CPLANE1: variants seen among roughly 807,000 people sequenced by gnomAD.
The protein encoded by CPLANE1 is ciliogenesis and planar polarity effector 1.
CPLANE1 carries 263 observed loss-of-function variants against 362.5 expected under a neutral mutation model. The ratio of observed to expected loss-of-function variants is 0.73; its 90% CI spans 0.66 to 0.80. The LOEUF (loss-of-function observed/expected upper bound fraction) is 0.80. Among genes scored for constraint, CPLANE1 ranks in the 30% least tolerant of loss-of-function variants. The pLI, the probability that CPLANE1 is intolerant of heterozygous loss-of-function variation, is 0.00. For synonymous variants in CPLANE1, 1,212 were observed against 1,302.6 expected, an observed-to-expected ratio of 0.93 and a Z score of 1.50; for missense variants, 3,461 against 3,793.4, an observed-to-expected ratio of 0.91 and a Z score of 2.30.
In CPLANE1 at chr5:37,151,734, G is replaced by T. The variant is rs116725142; in HGVS notation, c.8373+2006C>A. 2.1e-3 allele frequency among the ~76,000 whole-genome samples: 321 copies of T among 152,264 alleles called. 2 individuals are homozygous for T. Among genetic ancestry groups the T allele is most frequent in the African/African-American group, 7.6e-3 (315 of 41,554 alleles). On this transcript the variant is annotated intron_variant, in intron 42 of 52. Transcript: ENST00000651892. Reference sequence around the variant, plus strand: ...GCTGTACATTTATTTGGATGTGACAGATCTAAATCTGGGTTTAAAAAAACA... The same window carrying T: ...GCTGTACATTTATTTGGATGTGACATATCTAAATCTGGGTTTAAAAAAACA...
intron 51 of CPLANE1, among the ~76,000 whole-genome samples, chr5:37,110,621 G>C (rs13358096): frequency 0.016 from 2,470 of 152,082 alleles, 71 homozygotes; most frequent in African/African-American, 0.056. Context: ...ATGAGTAACA[G>C]TGCCTGGTAT....
rs771898985 is a variant in CPLANE1 at position 37,183,340 on chromosome 5, C to G, written c.4841G>C (p.Arg1614Thr). 6.2e-7 allele frequency: 1 copy of G among 1,612,692 alleles called. No individual in the cohort carries two copies. Among genetic ancestry groups the G allele is most frequent in the Non-Finnish European group, 8.5e-7 (1 of 1,179,690 alleles). Residue 1614 changes from arginine to threonine, a missense_variant, in exon 26 of 53, where the codon AGA becomes ACA. Transcript: ENST00000651892. ...AGCAACAACAAAGCAAGAACCAGCT[C>G]TAAACACATTCTGGCTTTTAGTTTT... Reference protein sequence around the residue: ...QSKTKSQNVFRAGSCFVVAPE... With the variant: ...QSKTKSQNVFTAGSCFVVAPE...
chr5:37,210,338 T>C, intron 16 of CPLANE1: 1 of 1,298,886 alleles, frequency 7.7e-7, no homozygotes, highest in Non-Finnish European at 1.1e-6. Flanking sequence ...AAAGTATGAC[T>C]GAGGCACTTA....
At chr5:37,187,309 G>A in intron 23 of CPLANE1, 105 bp downstream of exon 23, 3 of 938,310 alleles carry the variant, frequency 3.2e-6, no homozygotes, top group Non-Finnish European at 4.7e-6. Flanking sequence ...TATGCTAAGT[G>A]AAATAATCCA....
the CPLANE1 span, among the ~76,000 whole-genome samples, chr5:37,094,252 C>T: frequency 6.6e-6 from 1 of 152,168 alleles, no homozygotes; most frequent in Non-Finnish European, 1.5e-5. Context: ...TCAGGGTCTG[C>T]AAGACAGGCC....
intron 20 of CPLANE1, among the ~76,000 whole-genome samples, chr5:37,197,634 T>C (rs1787913424): frequency 6.6e-6 from 1 of 152,192 alleles, no homozygotes; most frequent in Non-Finnish European, 1.5e-5. Flanking sequence ...ATGGCTGCTA[T>C]TTTAAGCTGC....
the CPLANE1 span, among the ~76,000 whole-genome samples, chr5:37,076,314 A>ACTT: frequency 6.6e-6 from 1 of 151,738 alleles, no homozygotes; most frequent in East Asian, 1.9e-4. Context: ...CTGATGTCAA[A>ACTT]CTTTTTTTTT....
intron 48 of CPLANE1, 84 bp from the exon 49 acceptor site, chr5:37,121,868 C>T: frequency 8.8e-7 from 1 of 1,135,232 alleles, no homozygotes; most frequent in Non-Finnish European, 1.2e-6. Flanking sequence ...TGAAGATCAC[C>T]TAGCATGTTC....
Position 37,122,494 on chromosome 5 carries a change from TAAAA to T in CPLANE1, c.8959-10_8959-7del, listed in dbSNP as rs1762939420. The T allele has an allele frequency of 6.2e-7, 1 of 1,605,834 alleles. No homozygotes were observed. The highest frequency in any genetic ancestry group is 1.7e-5 in the Admixed American group (1 of 58,204). On this transcript the variant is annotated splice_region_variant and splice_polypyrimidine_tract_variant and intron_variant, in intron 47 of 52. Transcript: ENST00000651892. Reference sequence around the variant, plus strand: ...TCCCTTGAAGTCATGTAAAGCTGCATAAAAAATACCCAGTTGGTTCATTATTGTT... The same window carrying T: ...TCCCTTGAAGTCATGTAAAGCTGCATAATACCCAGTTGGTTCATTATTGTT...
chr5:37,107,538 A>C lies in CPLANE1; in HGVS notation c.*64T>G, dbSNP rs1157705543. On this transcript the variant is annotated 3_prime_UTR_variant, in exon 53 of 53. Transcript: ENST00000651892. ...ATTGCTTCTGTCCCTTAAACCTGTTAATCTTTCAGAACCACATTACTGAGG... is the reference window on the plus strand; with the variant it reads ...ATTGCTTCTGTCCCTTAAACCTGTTCATCTTTCAGAACCACATTACTGAGG... 7.0e-7 allele frequency: 1 copy of C among 1,428,464 alleles called. No homozygotes were observed. Among genetic ancestry groups the C allele is most frequent in the Admixed American group, 2.4e-5 (1 of 40,918 alleles). The allele number at this position is 1,428,464 out of a possible 1,614,324, so 88.5% of individuals were successfully genotyped here. A position where few individuals can be genotyped will look rare whatever the true frequency, so the allele number is the denominator to read the frequency against.
chr5:37,183,048 G>A lies in CPLANE1; in HGVS notation c.5133C>T (p.Ser1711=), dbSNP rs2151148741. 3 of 1,613,320 alleles carry A rather than the reference G, an allele frequency of 1.9e-6. No individual in the cohort carries two copies. Among genetic ancestry groups the A allele is most frequent in the Non-Finnish European group, 8.5e-7 (1 of 1,179,882 alleles). Residue 1711 remains serine (S), a synonymous_variant, in exon 26 of 53, where the codon TCC becomes TCT. Transcript: ENST00000651892. ...SSNHIFWTPK[S]IKTRRCIFKA... ...TGAAAATACATCTTCTAGTTTTAAT[G>A]GACTTGGGAGTCCAAAAAATGTGGT...
At chr5:37,192,864 A>C (rs867592079) in intron 21 of CPLANE1, among the ~76,000 whole-genome samples, 2 of 143,546 alleles carry the variant, frequency 1.4e-5, no homozygotes, top group Non-Finnish European at 3.0e-5. Flanking sequence ...AAAAAAAAAA[A>C]AAAAAAACAA....
At chr5:37,212,898 G>GC (rs2150235945) in intron 16 of CPLANE1, among the ~76,000 whole-genome samples, 1 of 152,338 alleles carries the variant, frequency 6.6e-6, no homozygotes, top group South Asian at 2.1e-4. Flanking sequence ...TATAGTCCCT[G>GC]CTACTTGGGA....
chr5:37,236,800 A>G (rs533381231), intron 8 of CPLANE1, among the ~76,000 whole-genome samples: 2 of 152,186 alleles, frequency 1.3e-5, no homozygotes, highest in African/African-American at 2.4e-5. Flanking sequence ...CAATCAGCCA[A>G]TAAACATATG....
rs990842373 is a variant in CPLANE1, at chr5:37,243,121, T to C, written c.571-2A>G. On this transcript the variant is annotated splice_acceptor_variant, in intron 5 of 52. Coordinates refer to ENST00000651892, the MANE Select transcript of CPLANE1 (RefSeq NM_001384732.1). LOFTEE classifies it high-confidence loss of function. ...ACACAGGCAGCAGTCTCCAAATAAC[T>C]GTAGATAAATTTAATATACTTTAGT... 3 of 1,490,784 alleles carry C rather than the reference T, an allele frequency of 2.0e-6. No individual in the cohort carries two copies. In the African/African-American group the frequency reaches 4.3e-5, roughly 21 times the overall value. The allele number at this position is 1,490,784 out of a possible 1,614,324, so 92.3% of individuals were successfully genotyped here. A position where few individuals can be genotyped will look rare whatever the true frequency, so the allele number is the denominator to read the frequency against.
intron 50 of CPLANE1, among the ~76,000 whole-genome samples, chr5:37,118,987 C>T (rs1004612437): frequency 2.0e-5 from 3 of 152,134 alleles, no homozygotes; most frequent in Non-Finnish European, 4.4e-5. Flanking sequence ...GCTGGGATTA[C>T]AGGCGTGAGC....
intron 18 of CPLANE1, among the ~76,000 whole-genome samples, chr5:37,204,260 T>C (rs898768165): frequency 6.6e-6 from 1 of 152,220 alleles, no homozygotes; most frequent in East Asian, 1.9e-4. Context: ...AGAAATGTTA[T>C]AAGTTTTAGG....
At chr5:37,242,082 G>A (rs1472448406) in intron 6 of CPLANE1, among the ~76,000 whole-genome samples, 3 of 152,154 alleles carry the variant, frequency 2.0e-5, no homozygotes, top group African/African-American at 4.8e-5. Flanking sequence ...TCGGCTGGGT[G>A]AGGTGGCTCA....
Position 37,207,553 on chromosome 5 carries a change from T to C in CPLANE1, c.2921-1128A>G, listed in dbSNP as rs1235665216. Among the ~76,000 whole-genome samples, 6 of 152,224 alleles carry C rather than the reference T, an allele frequency of 3.9e-5. No homozygotes were observed. The East Asian group carries it at 1.2e-3, about 29-fold the overall frequency. On this transcript the variant is annotated intron_variant, in intron 16 of 52. Coordinates refer to ENST00000651892, the MANE Select transcript of CPLANE1 (RefSeq NM_001384732.1). ...TAAAATATCACACCAAATAAGCAACTCAAATCCCTAGAAACATTCTGATTA... is the reference window on the plus strand; with the variant it reads ...TAAAATATCACACCAAATAAGCAACCCAAATCCCTAGAAACATTCTGATTA...
Sources: gnomAD v4.1 joint callset for allele counts (sites outside exome capture counted in the v4.1 genomes callset) on GRCh38, gnomAD v4.1.1 for gene constraint, MANE v1.5 for transcripts, NCBI Gene and HGNC (gene_info 2026-07-23, HGNC 2026-07-21) for gene names.